The following HNRNPM variants were observed in gnomAD, a reference collection of about 807,000 sequenced individuals.
The protein encoded by HNRNPM is CEA receptor.
HNRNPM carries 11 observed loss-of-function variants against 73.1 expected under a neutral mutation model. That is an observed-to-expected ratio of 0.15 (90% CI 0.09 to 0.25). The LOEUF (loss-of-function observed/expected upper bound fraction) is 0.25. Ranked by LOEUF, HNRNPM falls within the 10% of genes least tolerant of loss-of-function variation. HNRNPM has a pLI of 1.00. For missense variants in HNRNPM, 789 were observed against 1,067.9 expected, an observed-to-expected ratio of 0.74 and a Z score of 3.64; for synonymous variants, 407 against 355.2, an observed-to-expected ratio of 1.15 and a Z score of -1.64.
At chr19:8,472,132 C>T (rs924849176) in intron 10 of HNRNPM, among the ~76,000 whole-genome samples, 25 of 145,414 alleles carry the variant, frequency 1.7e-4, no homozygotes, top group Middle Eastern at 3.7e-3. Context: ...GATCACATGA[C>T]TGCACTTCAG....
At chr19:8,467,758 G>C (rs1644060807) in intron 8 of HNRNPM, among the ~76,000 whole-genome samples, 174 bp downstream of exon 8, 1 of 152,200 alleles carries the variant, frequency 6.6e-6, no homozygotes, top group Non-Finnish European at 1.5e-5. Flanking sequence ...CAGGCGTGGT[G>C]GTTCACGCCT....
chr19:8,452,823 T>C (rs1968722481), intron 1 of HNRNPM, among the ~76,000 whole-genome samples: 1 of 152,190 alleles, frequency 6.6e-6, no homozygotes, highest in Admixed American at 6.5e-5. Context: ...AGTTGCTGAC[T>C]TTAAAATTTT....
At position 8,459,271 on chromosome 19, in the gene HNRNPM, G is replaced by C. The variant is rs552032588; in HGVS notation, c.284-3258G>C. On this transcript the variant is annotated intron_variant, in intron 2 of 15. Transcript: ENST00000325495. ...AAGCGTTCATATGTATGAATACTTA[G>C]GTTGAGCCCCAGCAGTGCAGCCTGT... 2.6e-5 allele frequency among the ~76,000 whole-genome samples: 4 copies of C among 152,326 alleles called. No individual in the cohort carries two copies. In the East Asian group the frequency reaches 7.7e-4, roughly 29 times the overall value.
At chr19:8,454,922 C>G (rs548282511) in intron 1 of HNRNPM, among the ~76,000 whole-genome samples, 2 of 152,262 alleles carry the variant, frequency 1.3e-5, no homozygotes, top group South Asian at 4.1e-4. Flanking sequence ...GGAATGCTTT[C>G]TGCCCTGTGG....
At chr19:8,485,283 G>C (rs1263376744) in intron 13 of HNRNPM, among the ~76,000 whole-genome samples, 5 of 152,114 alleles carry the variant, frequency 3.3e-5, no homozygotes, top group African/African-American at 1.2e-4. Flanking sequence ...AGAAACCTCA[G>C]ATGTCTCAGG....
Position 8,486,254 on chromosome 19 carries a change from T to G in HNRNPM, c.1826T>G (p.Leu609Arg). Residue 609 changes from leucine to arginine, a missense_variant, in exon 14 of 16, where the codon CTG (leucine) becomes CGG (arginine). This residue lies in a region of HNRNPM where 604 missense variants were observed against 744.0 expected (regional missense o/e 0.81). Coordinates refer to ENST00000325495, the MANE Select transcript of HNRNPM (RefSeq NM_005968.5). ...GGCGCTGGCATTGAGCGCATGGGCC[T>G]GGCCATGGGTGGCGGTGGCGGTGCC... ...ALGAGIERMG[L>R]AMGGGGGASF... is the part of the protein sequence containing the mutation. The G allele has an allele frequency of 6.2e-7, 1 of 1,602,764 alleles. No individual in the cohort carries two copies.
intron 12 of HNRNPM, among the ~76,000 whole-genome samples, chr19:8,479,606 A>T (rs979812516): frequency 2.0e-5 from 3 of 151,750 alleles, no homozygotes; most frequent in African/African-American, 7.3e-5. Flanking sequence ...ACATGCCACC[A>T]TGCCCAGCTA....
At chr19:8,460,223 AAAAT>A (rs1287100445) in intron 2 of HNRNPM, among the ~76,000 whole-genome samples, 2 of 152,176 alleles carry the variant, frequency 1.3e-5, no homozygotes, top group African/African-American at 4.8e-5. Context: ...CTGACTACAT[AAAAT>A]AAATCTTTGC....
intron 15 of HNRNPM, 153 bp from the exon 16 acceptor site, chr19:8,488,538 C>T: frequency 1.7e-6 from 1 of 576,672 alleles, no homozygotes; most frequent in Non-Finnish European, 3.0e-6. Flanking sequence ...AGAAGAATGG[C>T]AGTGTGGCTG....
intron 8 of HNRNPM, 112 bp downstream of exon 8, chr19:8,467,696 A>T (rs1307064928): frequency 1.2e-6 from 1 of 858,944 alleles, no homozygotes; most frequent in East Asian, 2.5e-5. Flanking sequence ...TCTAAGTTAA[A>T]TAGGGTGCAG....
chr19:8,457,071 A>G (rs1267635573), intron 2 of HNRNPM, among the ~76,000 whole-genome samples: 2 of 152,188 alleles, frequency 1.3e-5, no homozygotes, highest in African/African-American at 2.4e-5. Flanking sequence ...CTGAATTGCT[A>G]TTTCCATTGA....
chr19:8,482,296 C>T lies in HNRNPM; in HGVS notation c.1121-862C>T, dbSNP rs541740368. On this transcript the variant is annotated intron_variant, in intron 12 of 15. Coordinates refer to ENST00000325495, the MANE Select transcript of HNRNPM (RefSeq NM_005968.5). ...TGGCTTTGTGGCCGTGGTCATAAAG[C>T]GAAATGTGCCTCGTGGCTAATGTCC... Among the ~76,000 whole-genome samples, 14 of 152,214 alleles carry T rather than the reference C, an allele frequency of 9.2e-5. No homozygotes were observed. In the South Asian group the frequency reaches 1.9e-3, roughly 20 times the overall value.
chr19:8,463,336 C>T (rs1172850285), intron 3 of HNRNPM, among the ~76,000 whole-genome samples, 161 bp from the exon 4 acceptor site: 4 of 152,222 alleles, frequency 2.6e-5, no homozygotes, highest in Non-Finnish European at 4.4e-5. Flanking sequence ...AGGCGAGGCA[C>T]TTCTGTCAGC....
chr19:8,476,237 G>A (rs1444351399), intron 12 of HNRNPM, among the ~76,000 whole-genome samples: 3 of 152,178 alleles, frequency 2.0e-5, no homozygotes, highest in Non-Finnish European at 4.4e-5. Context: ...GCTGAGAACA[G>A]GGACTCCTTC....
In HNRNPM at chr19:8,489,023, A is replaced by G. The variant is rs1297091943; in HGVS notation, c.*169A>G. 6 of 620,846 alleles carry G rather than the reference A, an allele frequency of 9.7e-6. No individual in the cohort carries two copies. The highest frequency in any genetic ancestry group is 1.4e-5 in the Non-Finnish European group (5 of 369,070). The allele number at this position is 620,846 out of a possible 1,614,324, so 38.5% of individuals were successfully genotyped here. On this transcript the variant is annotated 3_prime_UTR_variant, in exon 16 of 16. Coordinates refer to ENST00000325495, the MANE Select transcript of HNRNPM (RefSeq NM_005968.5). Reference sequence around the variant, plus strand: ...ACTGGGGTTCCATTTGACTGTTTGCATTGAGATTGCAATGTGCGCAATTTT... The same window carrying G: ...ACTGGGGTTCCATTTGACTGTTTGCGTTGAGATTGCAATGTGCGCAATTTT...
At chr19:8,471,052 A>G (rs1455739536) in intron 9 of HNRNPM, among the ~76,000 whole-genome samples, 1 of 152,152 alleles carries the variant, frequency 6.6e-6, no homozygotes, top group African/African-American at 2.4e-5. Flanking sequence ...TAGTGAAACA[A>G]ATAGGCTCTC....
chr19:8,479,772 A>AAAAAT (rs1491516635), intron 12 of HNRNPM, among the ~76,000 whole-genome samples: 1 of 41,596 alleles, frequency 2.4e-5, no homozygotes, highest in African/African-American at 9.0e-5. Context: ...AAAAAAAAAA[A>AAAAAT]TTTTTTTTTT....
At chr19:8,463,784 C>G (rs922360347) in intron 5 of HNRNPM, 98 bp downstream of exon 5, 9 of 775,640 alleles carry the variant, frequency 1.2e-5, no homozygotes, top group Non-Finnish European at 1.9e-5. Flanking sequence ...ACGGCATTTA[C>G]AAAGCAAGTG....
chr19:8,449,303 T>G (rs1253584430), intron 1 of HNRNPM, among the ~76,000 whole-genome samples: 1 of 152,188 alleles, frequency 6.6e-6, no homozygotes, highest in Non-Finnish European at 1.5e-5. Context: ...GGGGGGGTTC[T>G]CCAATGGACT....
Sources: allele counts gnomAD v4.1 joint callset (sites outside exome capture counted in the v4.1 genomes callset), GRCh38; gene constraint gnomAD v4.1.1; regional missense constraint gnomAD v4.1.1; transcripts MANE v1.5; gene names NCBI Gene and HGNC (gene_info 2026-07-23, HGNC 2026-07-21).